ST6GALNAC5: variants seen among roughly 807,000 people sequenced by gnomAD.
The protein encoded by ST6GALNAC5 is alpha-N-acetylgalactosaminide alpha-2,6-sialyltransferase 5.
In ST6GALNAC5, 27 loss-of-function variants were observed where a neutral mutation model predicts 33.6. That is an observed-to-expected ratio of 0.80 (90% CI 0.59 to 1.11). The LOEUF (loss-of-function observed/expected upper bound fraction) is 1.11. ST6GALNAC5 is among the 50% of genes least tolerant of loss of function. The pLI is 0.00. For synonymous variants in ST6GALNAC5, 194 were observed against 171.2 expected (o/e 1.13, Z -1.04); for missense variants, 428 against 454.0 (o/e 0.94, Z 0.52).
intron 2 of ST6GALNAC5, among the ~76,000 whole-genome samples, chr1:77,021,424 C>T (rs1156548039): frequency 1.3e-5 from 2 of 152,120 alleles, no homozygotes; most frequent in Non-Finnish European, 2.9e-5. Context: ...CCAAATAGTA[C>T]AGGTAAGACT....
chr1:76,998,504 A>C (rs1410788702), intron 2 of ST6GALNAC5, among the ~76,000 whole-genome samples: 1 of 152,226 alleles, frequency 6.6e-6, no homozygotes, highest in East Asian at 1.9e-4. Flanking sequence ...TTCTTATTTC[A>C]TAACCAATGA....
At chr1:77,005,496 A>G (rs931896219) in intron 2 of ST6GALNAC5, among the ~76,000 whole-genome samples, 3 of 152,324 alleles carry the variant, frequency 2.0e-5, no homozygotes, top group African/African-American at 7.2e-5. Context: ...GTTCCTATTC[A>G]GCCATCTTGG....
chr1:77,028,685 G>A (rs1281368987), intron 2 of ST6GALNAC5, among the ~76,000 whole-genome samples: 1 of 152,200 alleles, frequency 6.6e-6, no homozygotes, highest in Non-Finnish European at 1.5e-5. Flanking sequence ...GATAGCAGTG[G>A]AGGAGGTGGA....
At chr1:76,888,852 T>C (rs1004072762) in intron 2 of ST6GALNAC5, among the ~76,000 whole-genome samples, 2 of 152,170 alleles carry the variant, frequency 1.3e-5, no homozygotes, top group African/African-American at 4.8e-5. Flanking sequence ...GCATACATTA[T>C]GGAATGGCTA....
chr1:76,983,554 C>T (rs997023194), intron 2 of ST6GALNAC5, among the ~76,000 whole-genome samples: 1 of 152,090 alleles, frequency 6.6e-6, no homozygotes, highest in African/African-American at 2.4e-5. Context: ...GACTCCCACA[C>T]AATAATAATG....
intron 2 of ST6GALNAC5, among the ~76,000 whole-genome samples, chr1:77,028,698 C>A: frequency 6.6e-6 from 1 of 152,182 alleles, no homozygotes; most frequent in East Asian, 1.9e-4. Flanking sequence ...GAGGTGGAAG[C>A]TCCTCTACAG....
At chr1:76,950,623 C>T (rs900190632) in intron 2 of ST6GALNAC5, among the ~76,000 whole-genome samples, 6 of 151,814 alleles carry the variant, frequency 4.0e-5, no homozygotes, top group Non-Finnish European at 5.9e-5. Context: ...GAGATGGGAC[C>T]GATGTCAGAA....
intron 2 of ST6GALNAC5, among the ~76,000 whole-genome samples, chr1:76,929,863 C>T (rs533943490): frequency 1.4e-3 from 214 of 152,030 alleles, no homozygotes; most frequent in Non-Finnish European, 2.4e-3. Flanking sequence ...GTAATCCCAG[C>T]CCTTTGGGAG....
chr1:76,913,632 T>C (rs1312891950), intron 2 of ST6GALNAC5, among the ~76,000 whole-genome samples: 3 of 152,136 alleles, frequency 2.0e-5, no homozygotes, highest in Admixed American at 2.0e-4. Context: ...TTATTCTTTT[T>C]TCTCTAAACT....
chr1:76,991,117 T>G (rs1402959563), intron 2 of ST6GALNAC5, among the ~76,000 whole-genome samples: 9 of 152,064 alleles, frequency 5.9e-5, no homozygotes, highest in Non-Finnish European at 1.3e-4. Flanking sequence ...AGTTACTTGA[T>G]TAAGTCCTCC....
chr1:77,040,742 A>C (rs1439945164), intron 2 of ST6GALNAC5, among the ~76,000 whole-genome samples: 1 of 152,194 alleles, frequency 6.6e-6, no homozygotes, highest in Non-Finnish European at 1.5e-5. Context: ...AAAATTACAG[A>C]TCCAACCGGA....
At chr1:76,880,775 T>TC (rs1653761897) in intron 2 of ST6GALNAC5, among the ~76,000 whole-genome samples, 1 of 152,108 alleles carries the variant, frequency 6.6e-6, no homozygotes, top group Non-Finnish European at 1.5e-5. Flanking sequence ...ATACTTTGTA[T>TC]CCCCCAATCC....
chr1:77,061,055 G>GT (rs1652559544), intron 4 of ST6GALNAC5, among the ~76,000 whole-genome samples: 1 of 151,994 alleles, frequency 6.6e-6, no homozygotes, highest in African/African-American at 2.4e-5. Context: ...CATTTTTTGT[G>GT]TTAAAAACAC....
chr1:76,879,488 T>C (rs1653727715), intron 2 of ST6GALNAC5, among the ~76,000 whole-genome samples: 1 of 152,202 alleles, frequency 6.6e-6, no homozygotes, highest in Non-Finnish European at 1.5e-5. Flanking sequence ...ATTCAAACAG[T>C]TATTTTCAAG....
At chr1:76,867,748 C>A in intron 1 of ST6GALNAC5, 58 bp downstream of exon 1, 1 of 1,613,570 alleles carries the variant, frequency 6.2e-7, no homozygotes. Flanking sequence ...GCTCAGGGTC[C>A]ACGGGACGCA....
At chr1:76,982,288 A>G (rs1013929558) in intron 2 of ST6GALNAC5, among the ~76,000 whole-genome samples, 1 of 152,210 alleles carries the variant, frequency 6.6e-6, no homozygotes, top group Non-Finnish European at 1.5e-5. Flanking sequence ...TGAATGGCTA[A>G]CTAGAATAAA....
At chr1:76,997,146 T>C (rs578030075) in intron 2 of ST6GALNAC5, among the ~76,000 whole-genome samples, 3 of 152,302 alleles carry the variant, frequency 2.0e-5, no homozygotes, top group African/African-American at 7.2e-5. Flanking sequence ...GCTTTTTTCA[T>C]AGTAGATGAT....
intron 2 of ST6GALNAC5, among the ~76,000 whole-genome samples, chr1:76,916,167 C>G (rs1227238379): frequency 1.3e-5 from 2 of 152,126 alleles, no homozygotes; most frequent in African/African-American, 2.4e-5. Flanking sequence ...TACCTCGGTT[C>G]TCTTAAGTGT....
At chr1:77,055,080 A>T (rs1451034745) in intron 4 of ST6GALNAC5, among the ~76,000 whole-genome samples, 2 of 151,614 alleles carry the variant, frequency 1.3e-5, no homozygotes, top group Admixed American at 1.3e-4. Flanking sequence ...TCCAAACATG[A>T]CTGCCTTACT....
Sources: allele counts gnomAD v4.1 joint callset (sites outside exome capture counted in the v4.1 genomes callset), GRCh38; gene constraint gnomAD v4.1.1; transcripts MANE v1.5; gene names NCBI Gene and HGNC (gene_info 2026-07-23, HGNC 2026-07-21).